The following OGG1 variants were observed in gnomAD, a reference collection of about 807,000 sequenced individuals.
OGG1 encodes the protein 8-oxoguanine DNA glycosylase, also known as N-glycosylase/DNA lyase.
In OGG1, 35 loss-of-function variants were observed where a neutral mutation model predicts 42.3. The observed-to-expected ratio is 0.83, with a 90% confidence interval of 0.63 to 1.10. The LOEUF (loss-of-function observed/expected upper bound fraction) is 1.10, where lower values mean the gene tolerates loss of function less well. Among genes scored for constraint, OGG1 ranks in the 50% least tolerant of loss-of-function variants. OGG1 has a pLI of 0.00. For synonymous variants in OGG1, 189 were observed against 179.0 expected, an observed-to-expected ratio of 1.06 and a Z score of -0.44; for missense variants, 484 against 446.7, an observed-to-expected ratio of 1.08 and a Z score of -0.75.
chr3:9,762,737 C>T (rs533718266), intron 7 of OGG1, among the ~76,000 whole-genome samples: 1 of 152,016 alleles, frequency 6.6e-6, no homozygotes, highest in South Asian at 2.1e-4. Context: ...CACTCGTGTT[C>T]CTTTGAGTAT....
chr3:9,784,185 G>A (rs372569284), intron 3 of OGG1: 13 of 1,613,846 alleles, frequency 8.1e-6, no homozygotes, highest in East Asian at 4.5e-5. Context: ...TCCTTGATGC[G>A]GCTCTCCAGG....
At chr3:9,784,252 C>T in intron 3 of OGG1, 1 of 1,582,140 alleles carries the variant, frequency 6.3e-7, no homozygotes, top group Non-Finnish European at 8.6e-7. Flanking sequence ...CAAGAGCCAG[C>T]TTGGAGAAGG....
intron 2 of OGG1, chr3:9,780,632 C>G (rs563055936): frequency 2.8e-6 from 4 of 1,420,456 alleles, no homozygotes; most frequent in South Asian, 2.7e-5. Context: ...AGCCTACCCA[C>G]CAGCCCAGGC....
At chr3:9,757,997 C>T (rs2077666454), downstream of OGG1, 4 of 1,296,542 alleles carry the variant, frequency 3.1e-6, no homozygotes, top group African/African-American at 6.0e-5. The surrounding 1 kb of genome is among the most constrained non-coding windows in gnomAD (Gnocchi z 4.5). Flanking sequence ...CCAAAAACCT[C>T]TACAAGGCTT....
downstream of OGG1, chr3:9,766,811 G>A (rs2078166700): frequency 5.2e-6 from 1 of 192,800 alleles, no homozygotes; most frequent in Non-Finnish European, 9.9e-6. Flanking sequence ...CTGGTTTCCA[G>A]TCTTGTCCCT....
downstream of OGG1, among the ~76,000 whole-genome samples, chr3:9,768,792 G>T (rs1300627474): frequency 6.6e-6 from 1 of 152,144 alleles, no homozygotes; most frequent in Non-Finnish European, 1.5e-5. Context: ...TGAGGAGAAG[G>T]TGCCCTGACT....
chr3:9,757,159 C>G lies in OGG1; in HGVS notation c.*9C>G. The G allele has an allele frequency of 6.2e-7, 1 of 1,614,060 alleles. No individual in the cohort carries two copies. Among genetic ancestry groups the G allele is most frequent in the South Asian group, 1.1e-5 (1 of 91,072 alleles). On this transcript the variant is annotated 3_prime_UTR_variant, in exon 7 of 7. Coordinates refer to ENST00000344629, the MANE Select transcript of OGG1 (RefSeq NM_002542.6). This position sits in a 1 kb window ranked among gnomAD's most constrained non-coding sequence, Gnocchi z 4.5. ...AAGGGCCGGAAGGCTAGATGGGGCACCCTGGACAAAGAAATTCCCCAAGCA... is the reference window on the plus strand; with the variant it reads ...AAGGGCCGGAAGGCTAGATGGGGCAGCCTGGACAAAGAAATTCCCCAAGCA...
At chr3:9,781,619 C>G (rs751773732) in intron 3 of OGG1, 9 of 455,086 alleles carry the variant, frequency 2.0e-5, no homozygotes, top group South Asian at 1.4e-4. Context: ...GACACCAGAT[C>G]AATCTCTCTG....
chr3:9,773,626 T>C (rs1043500722), intron 2 of OGG1, among the ~76,000 whole-genome samples: 8 of 131,698 alleles, frequency 6.1e-5, no homozygotes, highest in African/African-American at 1.9e-4. Context: ...GATGATCTTT[T>C]CTTCTTTTTT....
At chr3:9,764,349 G>A (rs1434324971) in intron 7 of OGG1, among the ~76,000 whole-genome samples, 1 of 152,216 alleles carries the variant, frequency 6.6e-6, no homozygotes, top group Non-Finnish European at 1.5e-5. Flanking sequence ...AGGCTGGAGT[G>A]TTGCCCAGGC....
chr3:9,776,388 C>CTTTTTTTTTTTTTTTTT (rs57504240), intron 2 of OGG1, among the ~76,000 whole-genome samples: 1 of 121,122 alleles, frequency 8.3e-6, no homozygotes, highest in Non-Finnish European at 1.7e-5. Flanking sequence ...TTTTTCTTTT[C>CTTTTTTTTTTTTTTTTT]TTTTTTTTTT....
chr3:9,789,656 C>T, downstream of OGG1: 1 of 1,610,708 alleles, frequency 6.2e-7, no homozygotes, highest in Non-Finnish European at 8.5e-7. Flanking sequence ...CCCTGCCCCA[C>T]CAGTGCCTCC....
At chr3:9,781,200 C>T (rs549560213) in intron 2 of OGG1, among the ~76,000 whole-genome samples, 231 of 151,974 alleles carry the variant, frequency 1.5e-3, no homozygotes, top group Non-Finnish European at 3.0e-3. Flanking sequence ...AATCCCAGCG[C>T]TTTGGGAGAT....
downstream of OGG1, chr3:9,789,976 G>A: frequency 5.7e-6 from 9 of 1,576,958 alleles, no homozygotes; most frequent in Non-Finnish European, 7.7e-6. Context: ...GAAATTTACA[G>A]AAAGTGTCAC....
Position 9,756,511 on chromosome 3 carries a change from A to T in OGG1, c.788A>T (p.Gln263Leu). The change falls in exon 5 of 7, where the codon CAG (glutamine) becomes CTG (leucine). Residue 263 changes from glutamine (Q) to leucine (L), a missense_variant. Gln to Leu is a moderately radical substitution (Grantham distance 113). Coordinates refer to ENST00000344629, the MANE Select transcript of OGG1 (RefSeq NM_002542.6). The part of the protein sequence containing the change: ...CICLMALDKP[Q>L]AVPVDVHMWH... ...TGCCTGATGGCCCTAGACAAGCCCCAGGCTGTGCCCGTGGATGTCCATATG... is the reference window on the plus strand; with the variant it reads ...TGCCTGATGGCCCTAGACAAGCCCCTGGCTGTGCCCGTGGATGTCCATATG... The T allele has an allele frequency of 6.2e-7, 1 of 1,614,182 alleles. No individual in the cohort carries two copies. Among genetic ancestry groups the T allele is most frequent in the Non-Finnish European group, 8.5e-7 (1 of 1,180,032 alleles).
At chr3:9,787,808 A>C (rs2078651708) in exon 4 of OGG1, 4 of 932,108 alleles carry the variant, frequency 4.3e-6, no homozygotes, top group Non-Finnish European at 4.5e-6. Context: ...AGACTGACTA[A>C]CTTTCTGCTG....
intron 2 of OGG1, among the ~76,000 whole-genome samples, chr3:9,781,326 G>A (rs1455211564): frequency 1.3e-5 from 2 of 151,360 alleles, no homozygotes; most frequent in African/African-American, 4.9e-5. Flanking sequence ...CACACACACA[G>A]GCACACCCAC....
At chr3:9,780,016 C>T (rs2078423036) in intron 2 of OGG1, 1 of 209,854 alleles carries the variant, frequency 4.8e-6, no homozygotes, top group Non-Finnish European at 9.4e-6. Context: ...TTGCACTTTA[C>T]AAAACCACAA....
chr3:9,752,940 C>G (rs1315477987), intron 3 of OGG1, among the ~76,000 whole-genome samples: 3 of 151,994 alleles, frequency 2.0e-5, no homozygotes, highest in African/African-American at 7.2e-5. Context: ...CCCAGCTACT[C>G]CGGAGGGTGA....
Sources: allele counts gnomAD v4.1 joint callset (sites outside exome capture counted in the v4.1 genomes callset), GRCh38; gene constraint gnomAD v4.1.1; non-coding constraint Gnocchi (gnomAD v3.1); transcripts MANE v1.5; gene names NCBI Gene and HGNC (gene_info 2026-07-23, HGNC 2026-07-21).